The following SUCLG2 variants were observed in gnomAD, a reference collection of about 807,000 sequenced individuals.
SUCLG2 encodes the protein succinate--CoA ligase [GDP-forming] subunit beta, mitochondrial.
SUCLG2 carries 42 observed loss-of-function variants against 47.9 expected under a neutral mutation model. That is an observed-to-expected ratio of 0.88 (90% CI 0.69 to 1.14). SUCLG2 has a LOEUF of 1.14. Among genes scored for constraint, SUCLG2 ranks in the 50% most tolerant of loss-of-function variants. SUCLG2 has a pLI of 0.00. For synonymous variants in SUCLG2, 195 were observed against 197.3 expected, an observed-to-expected ratio of 0.99 and a Z score of 0.10; for missense variants, 571 against 525.9, an observed-to-expected ratio of 1.09 and a Z score of -0.84.
chr3:67,514,392 C>T (rs941919279), intron 6 of SUCLG2: 1 of 308,416 alleles, frequency 3.2e-6, no homozygotes, highest in Non-Finnish European at 6.7e-6. Flanking sequence ...AAAATCTCAA[C>T]AGGTTAAGAA....
chr3:67,523,963 GCCCAGCTA>G (rs1289100034), intron 4 of SUCLG2, among the ~76,000 whole-genome samples: 1 of 152,118 alleles, frequency 6.6e-6, no homozygotes, highest in Non-Finnish European at 1.5e-5. Context: ...TATTTGTGAA[GCCCAGCTA>G]CTGTCTGAAA....
intron 6 of SUCLG2, among the ~76,000 whole-genome samples, chr3:67,511,421 A>G (rs886746073): frequency 6.6e-6 from 1 of 152,166 alleles, no homozygotes; most frequent in Non-Finnish European, 1.5e-5. Flanking sequence ...TAACTGAATC[A>G]TGGGGACGGG....
At chr3:67,447,434 T>C (rs1011654548) in intron 9 of SUCLG2, among the ~76,000 whole-genome samples, 4 of 152,192 alleles carry the variant, frequency 2.6e-5, no homozygotes, top group African/African-American at 9.7e-5. Flanking sequence ...GGCATTGGGA[T>C]AGATGCAGGT....
downstream of SUCLG2, among the ~76,000 whole-genome samples, chr3:67,374,222 G>GT (rs1457352385): frequency 6.6e-6 from 1 of 152,200 alleles, no homozygotes; most frequent in Non-Finnish European, 1.5e-5. Context: ...AAGAAAGGAT[G>GT]TAAGACTGAT....
rs28483087 is a variant in SUCLG2 at position 67,544,247 on chromosome 3, C to T, written c.227-15061G>A. 8.2e-3 allele frequency among the ~76,000 whole-genome samples: 1,246 copies of T among 152,144 alleles called. 19 individuals are homozygous for T. Among genetic ancestry groups the T allele is most frequent in the African/African-American group, 0.029 (1,203 of 41,470 alleles). ...AAGTAAAGCTGAGAAGGAAAAAGGACGGAAGAACTATTGATATGGTTTGGC... is the reference window on the plus strand; with the variant it reads ...AAGTAAAGCTGAGAAGGAAAAAGGATGGAAGAACTATTGATATGGTTTGGC... On this transcript the variant is annotated intron_variant, in intron 2 of 10. Transcript: ENST00000307227.
At chr3:67,490,617 C>T (rs907360144) in intron 9 of SUCLG2, among the ~76,000 whole-genome samples, 9 of 152,180 alleles carry the variant, frequency 5.9e-5, no homozygotes, top group African/African-American at 2.2e-4. Context: ...AGACACCTCC[C>T]ATTTCTGAGA....
At chr3:67,429,833 A>C (rs1416676309) in intron 9 of SUCLG2, among the ~76,000 whole-genome samples, 1 of 152,216 alleles carries the variant, frequency 6.6e-6, no homozygotes, top group Non-Finnish European at 1.5e-5. Flanking sequence ...TAAACCAACA[A>C]AGATCAAAAG....
At chr3:67,376,422 T>C in intron 10 of SUCLG2, 2 of 985,452 alleles carry the variant, frequency 2.0e-6, no homozygotes, top group South Asian at 4.7e-5. Flanking sequence ...GAGTATCTTC[T>C]GGCCAAGTCA....
At position 67,520,560 on chromosome 3, in the gene SUCLG2, G is replaced by T. The variant is rs756592317; in HGVS notation, c.492C>A (p.Gly164=). The T allele has an allele frequency of 3.1e-6, 5 of 1,614,194 alleles. No homozygotes were observed. Among genetic ancestry groups the T allele is most frequent in the Non-Finnish European group, 3.4e-6 (4 of 1,180,014 alleles). The change falls in exon 5 of 11, where the codon GGC becomes GGA. Residue 164 remains glycine, a synonymous_variant. Coordinates refer to ENST00000307227, the MANE Select transcript of SUCLG2 (RefSeq NM_003848.4). The part of the protein sequence containing the change: ...LAILMDRSCN[G]PVLVGSPQGG... The stretch of plus-strand genomic sequence containing the variant: ...CCTGGGGGCTGCCCACCAGCACGGG[G>T]CCATTGCAGGACCGGTCCATCAGAA...
chr3:67,522,678 T>C (rs1393584015), intron 4 of SUCLG2, among the ~76,000 whole-genome samples: 1 of 150,062 alleles, frequency 6.7e-6, no homozygotes, highest in Non-Finnish European at 1.5e-5. Flanking sequence ...TTTTTTTTTT[T>C]GTTGAGACAG....
intron 2 of SUCLG2, among the ~76,000 whole-genome samples, chr3:67,587,926 C>T (rs1708065618): frequency 6.6e-6 from 1 of 152,142 alleles, no homozygotes; most frequent in Non-Finnish European, 1.5e-5. Flanking sequence ...TTGTTACATG[C>T]ACATTTGCCA....
intron 9 of SUCLG2, among the ~76,000 whole-genome samples, chr3:67,471,535 A>C (rs1463437284): frequency 6.6e-6 from 1 of 152,202 alleles, no homozygotes; most frequent in Non-Finnish European, 1.5e-5. Flanking sequence ...TTACAGGGAA[A>C]GTAGCCAGAG....
intron 2 of SUCLG2, among the ~76,000 whole-genome samples, chr3:67,598,223 A>C (rs1708338333): frequency 6.6e-6 from 1 of 151,900 alleles, no homozygotes; most frequent in African/African-American, 2.4e-5. Flanking sequence ...CTCAGGCAAC[A>C]CGCCCACCTC....
chr3:67,493,417 T>A (rs572829537), intron 9 of SUCLG2, among the ~76,000 whole-genome samples: 1 of 152,224 alleles, frequency 6.6e-6, no homozygotes, highest in South Asian at 2.1e-4. Context: ...TCAAAAAAAG[T>A]TGAAATAATC....
intron 2 of SUCLG2, among the ~76,000 whole-genome samples, chr3:67,594,911 T>G (rs1169622832): frequency 1.3e-5 from 2 of 152,202 alleles, no homozygotes; most frequent in East Asian, 3.8e-4. Context: ...CAGAAAGAAT[T>G]ACACCAGATT....
intron 10 of SUCLG2, among the ~76,000 whole-genome samples, chr3:67,389,706 T>C (rs547827764): frequency 6.6e-6 from 1 of 152,282 alleles, no homozygotes; most frequent in Admixed American, 6.5e-5. Flanking sequence ...CTTCTGTTTT[T>C]TTTTTCTAAA....
At chr3:67,505,944 AGAGT>A (rs1278320118) in intron 7 of SUCLG2, among the ~76,000 whole-genome samples, 1 of 152,152 alleles carries the variant, frequency 6.6e-6, no homozygotes, top group Non-Finnish European at 1.5e-5. Flanking sequence ...CCTTGGCGAC[AGAGT>A]GAGACCCTGT....
In SUCLG2 at chr3:67,375,233, T is replaced by C; in HGVS notation, c.*511A>G. On this transcript the variant is annotated 3_prime_UTR_variant, in exon 11 of 11. Coordinates refer to ENST00000307227, the MANE Select transcript of SUCLG2 (RefSeq NM_003848.4). ...TAGAAACCTGTAAAATCTGCAGTAG[T>C]GTGTAATAGCTATTTGCTTGAATGT... is the stretch of plus-strand genomic sequence containing the variant. The C allele has an allele frequency of 1.0e-6, 1 of 985,882 alleles. No individual in the cohort carries two copies. Among genetic ancestry groups the C allele is most frequent in the African/African-American group, 1.7e-5 (1 of 57,364 alleles). The allele number at this position is 985,882 out of a possible 1,614,324, so 61.1% of individuals were successfully genotyped here.
intron 1 of SUCLG2, among the ~76,000 whole-genome samples, chr3:67,637,727 T>C (rs1176100316): frequency 6.6e-6 from 1 of 152,244 alleles, no homozygotes; most frequent in African/African-American, 2.4e-5. Flanking sequence ...GTACTCTGCC[T>C]TTCTTTTTTG....
Sources: gnomAD v4.1 joint callset for allele counts (sites outside exome capture counted in the v4.1 genomes callset) on GRCh38, gnomAD v4.1.1 for gene constraint, MANE v1.5 for transcripts, NCBI Gene and HGNC (gene_info 2026-07-23, HGNC 2026-07-21) for gene names.